The following PAIP2 variants were observed in gnomAD, a reference collection of about 807,000 sequenced individuals.
PAIP2 encodes the protein polyadenylate-binding protein-interacting protein 2.
In PAIP2, 7 loss-of-function variants were observed where a neutral mutation model predicts 14.8. The ratio of observed to expected loss-of-function variants is 0.47; its 90% CI spans 0.27 to 0.89. The LOEUF (loss-of-function observed/expected upper bound fraction) is 0.89, where lower values mean the gene tolerates loss of function less well. Ranked by LOEUF, PAIP2 falls within the 40% of genes least tolerant of loss-of-function variation. The pLI, the probability that PAIP2 is intolerant of heterozygous loss-of-function variation, is 0.13. For missense variants in PAIP2, 122 were observed against 154.7 expected (o/e 0.79, Z 1.12); for synonymous variants, 47 against 45.3 (o/e 1.04, Z -0.15).
chr5:139,364,429 T>A (rs1005603187), intron 2 of PAIP2, 135 bp from the exon 3 acceptor site: 2 of 537,776 alleles, frequency 3.7e-6, no homozygotes, highest in African/African-American at 3.9e-5. Flanking sequence ...ATGGTAAGCA[T>A]TTTTTTTCCT....
intron 1 of PAIP2, among the ~76,000 whole-genome samples, chr5:139,345,330 C>T (rs551587224): frequency 8.5e-5 from 13 of 152,056 alleles, no homozygotes; most frequent in East Asian, 3.9e-4. Flanking sequence ...TGAGCCACCG[C>T]GCCCAGCCCA....
chr5:139,363,532 G>A (rs1252518543), intron 1 of PAIP2, among the ~76,000 whole-genome samples: 1 of 151,990 alleles, frequency 6.6e-6, no homozygotes, highest in African/African-American at 2.4e-5. Context: ...ACCAGCTTGG[G>A]TAACACAGAC....
At position 139,352,488 on chromosome 5, in the gene PAIP2, G is replaced by GTTTTTTTTTTTTTTT. The variant is rs1185620394; in HGVS notation, c.-27+10518_-27+10519insTTTTTTTTTTTTTTT. 7.6e-4 allele frequency among the ~76,000 whole-genome samples: 72 copies of GTTTTTTTTTTTTTTT among 94,818 alleles called. 1 individual carries two copies. The highest frequency in any genetic ancestry group is 2.1e-3 in the African/African-American group (65 of 31,600). The allele number at this position is 94,818 out of a possible 152,430, so 62.2% of individuals were successfully genotyped here. A position where few individuals can be genotyped will look rare whatever the true frequency, so the allele number is the denominator to read the frequency against. On this transcript the variant is annotated intron_variant, in intron 1 of 3. Transcript: ENST00000265192. ...TGGCTTTCTCAGTTAATTCCTGCCAGTTTTTTTTTTGTTGTTTTTTTTTTT... is the reference window on the plus strand; with the variant it reads ...TGGCTTTCTCAGTTAATTCCTGCCAGTTTTTTTTTTTTTTTTTTTTTTTTTGTTGTTTTTTTTTTT...
intron 1 of PAIP2, among the ~76,000 whole-genome samples, chr5:139,347,805 T>C (rs1182730850): frequency 6.6e-6 from 1 of 151,966 alleles, no homozygotes; most frequent in Non-Finnish European, 1.5e-5. Context: ...GACACTGGCT[T>C]AGAATGATAA....
Position 139,369,153 on chromosome 5 carries a change from AATTT to A in PAIP2, c.*356_*359del, listed in dbSNP as rs1392288003. 2.4e-5 allele frequency: 4 copies of A among 167,520 alleles called. No individual in the cohort carries two copies. The highest frequency in any genetic ancestry group is 9.5e-5 in the African/African-American group (4 of 42,104). The allele number at this position is 167,520 out of a possible 1,614,324, so 10.4% of individuals were successfully genotyped here. Reference sequence around the variant, plus strand: ...TCTAAACTTTAAAATCAGTACATTTAATTTGAGTTCCAACTGTTAAGCATATTTC... The same window carrying A: ...TCTAAACTTTAAAATCAGTACATTTAGAGTTCCAACTGTTAAGCATATTTC... On this transcript the variant is annotated 3_prime_UTR_variant, in exon 4 of 4. Coordinates refer to ENST00000265192, the MANE Select transcript of PAIP2 (RefSeq NM_016480.5).
At chr5:139,360,963 G>A (rs1235556374) in intron 1 of PAIP2, among the ~76,000 whole-genome samples, 1 of 151,422 alleles carries the variant, frequency 6.6e-6, no homozygotes, top group African/African-American at 2.4e-5. Context: ...TGTATTTGTA[G>A]TAGAGATGGG....
intron 1 of PAIP2, among the ~76,000 whole-genome samples, chr5:139,355,084 C>T (rs900098492): frequency 4.0e-5 from 6 of 151,602 alleles, no homozygotes; most frequent in African/African-American, 1.5e-4. Context: ...TTCCAAAGTC[C>T]CAAAGTGCTG....
At chr5:139,366,676 A>G (rs1300777306) in intron 3 of PAIP2, among the ~76,000 whole-genome samples, 1 of 152,194 alleles carries the variant, frequency 6.6e-6, no homozygotes, top group African/African-American at 2.4e-5. Context: ...GACCCAGTAT[A>G]ATTCCATAGT....
chr5:139,355,765 G>C (rs1756889835), intron 1 of PAIP2, among the ~76,000 whole-genome samples: 1 of 152,090 alleles, frequency 6.6e-6, no homozygotes, highest in South Asian at 2.1e-4. Flanking sequence ...GCTGAGGAAG[G>C]AGAATCGCTT....
At chr5:139,356,793 A>G (rs1393796156) in intron 1 of PAIP2, among the ~76,000 whole-genome samples, 2 of 151,278 alleles carry the variant, frequency 1.3e-5, no homozygotes, top group Non-Finnish European at 2.9e-5. Flanking sequence ...AGGCTGAGGC[A>G]GGAGAATCGC....
intron 3 of PAIP2, chr5:139,365,221 C>T (rs1257954266): frequency 1.3e-5 from 2 of 151,538 alleles, no homozygotes; most frequent in African/African-American, 4.8e-5. Context: ...CACGGTGGCT[C>T]ATGCCTTTAA....
chr5:139,351,498 C>G (rs1374540545), intron 1 of PAIP2, among the ~76,000 whole-genome samples: 1 of 151,982 alleles, frequency 6.6e-6, no homozygotes, highest in African/African-American at 2.4e-5. Context: ...TGTTAAAATA[C>G]AGAAATGCTT....
intron 1 of PAIP2, among the ~76,000 whole-genome samples, chr5:139,363,195 C>A (rs1037159126): frequency 4.0e-5 from 6 of 151,700 alleles, no homozygotes; most frequent in Non-Finnish European, 8.8e-5. Context: ...GAACCAAGAT[C>A]ATGCCACTGC....
chr5:139,342,181 G>A (rs1227611392), intron 1 of PAIP2, among the ~76,000 whole-genome samples: 1 of 152,088 alleles, frequency 6.6e-6, no homozygotes, highest in East Asian at 1.9e-4. Flanking sequence ...CCGAGACATG[G>A]CCGTCGCTTT....
At chr5:139,367,319 T>C (rs1225702674) in intron 3 of PAIP2, 1 of 152,182 alleles carries the variant, frequency 6.6e-6, no homozygotes. Context: ...TCATTTCTTT[T>C]TATTTTTTTC....
intron 1 of PAIP2, among the ~76,000 whole-genome samples, chr5:139,360,011 G>T (rs1189611545): frequency 6.6e-6 from 1 of 152,048 alleles, no homozygotes. Flanking sequence ...CTGTTGCCCA[G>T]GCCAGAGTGC....
At chr5:139,359,196 G>A (rs1310497179) in intron 1 of PAIP2, among the ~76,000 whole-genome samples, 1 of 152,120 alleles carries the variant, frequency 6.6e-6, no homozygotes, top group Non-Finnish European at 1.5e-5. Flanking sequence ...GAGTGCAGTG[G>A]CGCGATCTTG....
intron 1 of PAIP2, among the ~76,000 whole-genome samples, chr5:139,354,857 G>A (rs1030134808): frequency 5.2e-5 from 7 of 135,372 alleles, no homozygotes; most frequent in African/African-American, 1.9e-4. Flanking sequence ...GTCTTGCTCT[G>A]TTACCCGGGC....
At chr5:139,345,042 T>C (rs980255809) in intron 1 of PAIP2, among the ~76,000 whole-genome samples, 3 of 151,968 alleles carry the variant, frequency 2.0e-5, no homozygotes, top group African/African-American at 7.3e-5. Flanking sequence ...TTTTTGTTGT[T>C]GTTGTTGTTG....
Sources: gnomAD v4.1 joint callset for allele counts (sites outside exome capture counted in the v4.1 genomes callset) on GRCh38, gnomAD v4.1.1 for gene constraint, MANE v1.5 for transcripts, NCBI Gene and HGNC (gene_info 2026-07-23, HGNC 2026-07-21) for gene names.